Variants in MGAT4C observed in about 807,000 individuals in gnomAD.
MGAT4C encodes the protein alpha-1,3-mannosyl-glycoprotein 4-beta-N-acetylglucosaminyltransferase C.
A neutral mutation model predicts 40.1 loss-of-function variants in MGAT4C; 19 were observed. That is an observed-to-expected ratio of 0.47 (90% CI 0.33 to 0.70). The LOEUF is 0.70. MGAT4C is among the 30% of genes least tolerant of loss of function. The pLI is 0.02. For synonymous variants in MGAT4C, 181 were observed against 187.1 expected (o/e 0.97, Z 0.27); for missense variants, 491 against 563.2 (o/e 0.87, Z 1.30).
chr12:86,769,492 T>A (rs1401893926), intron 1 of MGAT4C, among the ~76,000 whole-genome samples: 1 of 152,212 alleles, frequency 6.6e-6, no homozygotes, highest in African/African-American at 2.4e-5. Flanking sequence ...AAATACCATT[T>A]GACCCAGCCA....
chr12:86,062,160 G>A (rs750261367), intron 1 of MGAT4C, among the ~76,000 whole-genome samples: 2 of 152,156 alleles, frequency 1.3e-5, no homozygotes, highest in Non-Finnish European at 2.9e-5. Context: ...CCTCTGTGAG[G>A]AAGCTTCCAG....
intron 1 of MGAT4C, among the ~76,000 whole-genome samples, chr12:86,092,076 T>A (rs1047084736): frequency 3.3e-5 from 5 of 152,176 alleles, no homozygotes; most frequent in African/African-American, 1.2e-4. Flanking sequence ...TTCTCTGATA[T>A]ACGACAGGAC....
chr12:86,453,320 C>T (rs1184203940), intron 2 of MGAT4C, among the ~76,000 whole-genome samples: 1 of 151,906 alleles, frequency 6.6e-6, no homozygotes, highest in South Asian at 2.1e-4. Flanking sequence ...AATCATAATA[C>T]CAAGAAGAGA....
At chr12:86,061,475 T>A (rs202156954) in intron 1 of MGAT4C, among the ~76,000 whole-genome samples, 1 of 7,570 alleles carries the variant, frequency 1.3e-4, no homozygotes, top group Non-Finnish European at 2.1e-4. Context: ...TTTTTTTTTG[T>A]TTTTTTTTTT....
intron 1 of MGAT4C, among the ~76,000 whole-genome samples, chr12:86,229,412 T>C (rs1454552545): frequency 6.6e-6 from 1 of 151,952 alleles, no homozygotes; most frequent in East Asian, 1.9e-4. Flanking sequence ...ATATAGAAAG[T>C]ATAAGATATT....
chr12:86,601,259 G>A (rs146407145), intron 2 of MGAT4C: 1 of 152,376 alleles, frequency 6.6e-6, no homozygotes, highest in East Asian at 1.9e-4. Context: ...GCCTGGCGGC[G>A]AGACGGCCAT....
chr12:86,259,387 T>C (rs918606355), upstream of MGAT4C, among the ~76,000 whole-genome samples: 2 of 152,052 alleles, frequency 1.3e-5, no homozygotes, highest in African/African-American at 4.8e-5. Flanking sequence ...AACTGTTTTC[T>C]ACTATACTAA....
At chr12:86,177,617 T>G (rs1182129639) in intron 1 of MGAT4C, among the ~76,000 whole-genome samples, 1 of 152,092 alleles carries the variant, frequency 6.6e-6, no homozygotes, top group Non-Finnish European at 1.5e-5. Flanking sequence ...ACACCCTATA[T>G]TTAATATAAT....
chr12:85,977,671 GTGT>G lies in MGAT4C; in HGVS notation c.*1615_*1617del, dbSNP rs1457941019. 6.6e-6 allele frequency: 1 copy of G among 151,122 alleles called. No individual in the cohort carries two copies. Among genetic ancestry groups the G allele is most frequent in the Non-Finnish European group, 1.5e-5 (1 of 67,478 alleles). 9.4% of individuals were successfully genotyped at this position (151,122 alleles called of 1,614,324 possible). A position where few individuals can be genotyped will look rare whatever the true frequency, so the allele number is the denominator to read the frequency against. On this transcript the variant is annotated 3_prime_UTR_variant, in exon 5 of 5. Transcript: ENST00000611864. ...GAACGAATAAAATAAAAATATCCTA[GTGT>G]TGTTTGCACCACAGCATACCAGTAA...
intron 2 of MGAT4C, among the ~76,000 whole-genome samples, chr12:86,023,584 T>C (rs981549072): frequency 1.1e-4 from 16 of 146,646 alleles, no homozygotes; most frequent in South Asian, 4.2e-4. Context: ...AAATATATTA[T>C]ATATATTATA....
intron 1 of MGAT4C, among the ~76,000 whole-genome samples, chr12:86,242,642 G>GA (rs1324148317): frequency 6.6e-6 from 1 of 151,958 alleles, no homozygotes. Context: ...CTTTAGAGTA[G>GA]AAAAAATAGG....
At chr12:86,527,730 T>TAG (rs577202867) in intron 2 of MGAT4C, among the ~76,000 whole-genome samples, 25 of 152,328 alleles carry the variant, frequency 1.6e-4, no homozygotes, top group Admixed American at 3.9e-4. Flanking sequence ...TGGATTAATT[T>TAG]CTAGTTATTT....
chr12:86,771,712 G>A (rs188493131), intron 1 of MGAT4C, among the ~76,000 whole-genome samples: 1 of 141,622 alleles, frequency 7.1e-6, no homozygotes. Flanking sequence ...GTGTGTGTGT[G>A]TGTGTGTGTG....
chr12:86,428,367 G>A (rs771600074), intron 3 of MGAT4C, among the ~76,000 whole-genome samples: 1 of 152,124 alleles, frequency 6.6e-6, no homozygotes, highest in Non-Finnish European at 1.5e-5. Flanking sequence ...GCAGGACTGA[G>A]GAGCATAATA....
At chr12:86,529,219 C>T (rs752615683) in intron 2 of MGAT4C, among the ~76,000 whole-genome samples, 37 of 152,026 alleles carry the variant, frequency 2.4e-4, no homozygotes, top group African/African-American at 8.2e-4. Flanking sequence ...ATGTGCTTGG[C>T]GAGAAGTATC....
chr12:86,357,110 C>T (rs1955333206), intron 3 of MGAT4C, among the ~76,000 whole-genome samples: 1 of 152,288 alleles, frequency 6.6e-6, no homozygotes. Context: ...CTGGGTGCCC[C>T]TCTTTGAAAA....
At chr12:86,634,947 T>C (rs1473576068) in intron 2 of MGAT4C, among the ~76,000 whole-genome samples, 1 of 152,142 alleles carries the variant, frequency 6.6e-6, no homozygotes, top group Non-Finnish European at 1.5e-5. Context: ...CACACAAAGA[T>C]TAAATCAAGA....
chr12:86,725,300 C>G (rs1237462142), intron 2 of MGAT4C, among the ~76,000 whole-genome samples: 1 of 152,108 alleles, frequency 6.6e-6, no homozygotes, highest in Admixed American at 6.6e-5. Flanking sequence ...TAGTTACGTA[C>G]CAGTTCTCTG....
At chr12:86,835,267 A>T (rs1018235643) in intron 1 of MGAT4C, among the ~76,000 whole-genome samples, 1 of 152,004 alleles carries the variant, frequency 6.6e-6, no homozygotes, top group Non-Finnish European at 1.5e-5. Flanking sequence ...TAGCATAGAT[A>T]CTATTTTTGT....
Sources: allele counts gnomAD v4.1 joint callset (sites outside exome capture counted in the v4.1 genomes callset), GRCh38; gene constraint gnomAD v4.1.1; transcripts MANE v1.5; gene names NCBI Gene and HGNC (gene_info 2026-07-23, HGNC 2026-07-21).